The following SMYD3 variants were observed in gnomAD, a reference collection of about 807,000 sequenced individuals.
SMYD3 encodes histone-lysine N-methyltransferase SMYD3.
A neutral mutation model predicts 57.7 loss-of-function variants in SMYD3; 36 were observed. The observed-to-expected ratio is 0.62, with a 90% CI of 0.48 to 0.82. SMYD3 has a LOEUF of 0.82. SMYD3 is among the 40% of genes least tolerant of loss of function. SMYD3 has a pLI of 0.00. For synonymous variants in SMYD3, 211 were observed against 195.0 expected, an observed-to-expected ratio of 1.08 and a Z score of -0.68; for missense variants, 515 against 538.8, an observed-to-expected ratio of 0.96 and a Z score of 0.44.
chr1:246,429,668 C>T (rs1294155729), intron 1 of SMYD3, among the ~76,000 whole-genome samples: 1 of 152,216 alleles, frequency 6.6e-6, no homozygotes, highest in Non-Finnish European at 1.5e-5. Flanking sequence ...AGAGGCCTCA[C>T]TCCTCAACCC....
At chr1:246,491,021 G>C (rs1409114547) in intron 1 of SMYD3, among the ~76,000 whole-genome samples, 1 of 152,146 alleles carries the variant, frequency 6.6e-6, no homozygotes, top group East Asian at 1.9e-4. Context: ...GAAGAGGCAG[G>C]GTTCAAGATT....
rs532731099 is a variant in SMYD3 at position 246,305,300 on chromosome 1, CCAA to C, written c.531+21898_531+21900del. 3.2e-3 allele frequency among the ~76,000 whole-genome samples: 494 copies of C among 152,216 alleles called. 3 individuals are homozygous for C. The highest frequency in any genetic ancestry group is 0.011 in the African/African-American group (438 of 41,536). ...ATCGCTTCCAGAAAAATGTTGAACT[CCAA>C]CAACAATTTAATAGAATTATAGAAA... is the stretch of plus-strand genomic sequence containing the variant. On this transcript the variant is annotated intron_variant, in intron 5 of 11. Transcript: ENST00000490107.
chr1:246,506,978 G>GCCCCCCCCACCCCCCCCCCCCCCCCCC, intron 1 of SMYD3, 76 bp downstream of exon 1: 20 of 1,174,476 alleles, frequency 1.7e-5, no homozygotes, highest in African/African-American at 4.0e-5. Context: ...CGCGGCTGCC[G>GCCCCCCCCACCCCCCCCCCCCCCCCCC]GCCGCCCGAC....
intron 2 of SMYD3, among the ~76,000 whole-genome samples, chr1:246,339,973 A>AC (rs2065606314): frequency 6.6e-6 from 1 of 152,104 alleles, no homozygotes; most frequent in Non-Finnish European, 1.5e-5. Context: ...TTTATGAATG[A>AC]CCCAGTCTGC....
At chr1:246,175,494 T>G (rs551623558) in intron 5 of SMYD3, among the ~76,000 whole-genome samples, 12 of 152,324 alleles carry the variant, frequency 7.9e-5, no homozygotes, top group African/African-American at 2.6e-4. Context: ...TGAAAATCCC[T>G]CTACCACCTG....
At chr1:246,466,357 C>A (rs1239490939) in intron 1 of SMYD3, among the ~76,000 whole-genome samples, 1 of 152,144 alleles carries the variant, frequency 6.6e-6, no homozygotes, top group Non-Finnish European at 1.5e-5. Context: ...ATAAAAAGAA[C>A]AAAATCATGT....
At chr1:246,309,646 A>G (rs2065041951) in intron 5 of SMYD3, among the ~76,000 whole-genome samples, 1 of 152,220 alleles carries the variant, frequency 6.6e-6, no homozygotes, top group Non-Finnish European at 1.5e-5. Context: ...GGTATTTATC[A>G]ATGAAATGCT....
At chr1:246,056,338 G>T (rs2060150854) in intron 5 of SMYD3, among the ~76,000 whole-genome samples, 1 of 152,112 alleles carries the variant, frequency 6.6e-6, no homozygotes, top group African/African-American at 2.4e-5. Context: ...AAAACGGAGG[G>T]AGTGCGGGCA....
chr1:245,925,863 T>C (rs1288845555), intron 7 of SMYD3, among the ~76,000 whole-genome samples: 1 of 152,222 alleles, frequency 6.6e-6, no homozygotes, highest in African/African-American at 2.4e-5. Flanking sequence ...AAAGAACTTC[T>C]TCTAATATGG....
intron 5 of SMYD3, among the ~76,000 whole-genome samples, chr1:246,254,168 T>C (rs1204832051): frequency 6.6e-6 from 1 of 152,230 alleles, no homozygotes; most frequent in Non-Finnish European, 1.5e-5. Context: ...GTCCCACCAG[T>C]CAATTTTTAC....
intron 1 of SMYD3, among the ~76,000 whole-genome samples, chr1:246,362,885 C>T (rs2066020974): frequency 6.6e-6 from 1 of 151,988 alleles, no homozygotes; most frequent in Non-Finnish European, 1.5e-5. Flanking sequence ...GGCCGCCACC[C>T]CGTCTGGGAA....
intron 5 of SMYD3, among the ~76,000 whole-genome samples, chr1:246,201,508 C>T (rs561301882): frequency 1.3e-5 from 2 of 152,252 alleles, no homozygotes; most frequent in South Asian, 2.1e-4. Context: ...CCATCAAAAA[C>T]ATGGCAGTAC....
intron 5 of SMYD3, chr1:245,930,538 G>T: frequency 5.7e-6 from 1 of 175,724 alleles, no homozygotes; most frequent in Non-Finnish European, 1.2e-5. Flanking sequence ...ATGCAGGGAC[G>T]GAGCAGAAGC....
At chr1:246,046,141 T>A (rs1269458524) in intron 5 of SMYD3, among the ~76,000 whole-genome samples, 3 of 152,144 alleles carry the variant, frequency 2.0e-5, no homozygotes, top group Non-Finnish European at 4.4e-5. Flanking sequence ...ACCCAAAGGA[T>A]TATAAATCAT....
At chr1:246,411,217 T>C (rs981185136) in intron 1 of SMYD3, among the ~76,000 whole-genome samples, 7 of 152,108 alleles carry the variant, frequency 4.6e-5, no homozygotes, top group Admixed American at 2.6e-4. Flanking sequence ...AAAAAACACA[T>C]GAAAAAATGC....
intron 11 of SMYD3, among the ~76,000 whole-genome samples, chr1:245,750,896 C>A (rs2147999511): frequency 6.6e-6 from 1 of 152,240 alleles, no homozygotes; most frequent in East Asian, 1.9e-4. Context: ...CAGGATCAAC[C>A]AGGGAGCTTC....
At chr1:245,809,009 C>T (rs997734629) in intron 10 of SMYD3, among the ~76,000 whole-genome samples, 2 of 152,142 alleles carry the variant, frequency 1.3e-5, no homozygotes, top group Non-Finnish European at 2.9e-5. Flanking sequence ...CCCGCCTCGG[C>T]CTCCCAAAGT....
chr1:246,079,889 T>C (rs768594479), intron 5 of SMYD3, among the ~76,000 whole-genome samples: 45 of 152,162 alleles, frequency 3.0e-4, no homozygotes, highest in Non-Finnish European at 6.0e-4. Context: ...GAAAGTGATC[T>C]CTAATAACTC....
chr1:246,168,008 A>C (rs1026183583), intron 5 of SMYD3, among the ~76,000 whole-genome samples: 1 of 152,178 alleles, frequency 6.6e-6, no homozygotes, highest in Non-Finnish European at 1.5e-5. Flanking sequence ...ACTCCTTTAA[A>C]CAGACAAAAC....
Sources: gnomAD v4.1 joint callset for allele counts (sites outside exome capture counted in the v4.1 genomes callset) on GRCh38, gnomAD v4.1.1 for gene constraint, MANE v1.5 for transcripts, NCBI Gene and HGNC (gene_info 2026-07-23, HGNC 2026-07-21) for gene names.